SARNP: variants seen among roughly 807,000 people sequenced by gnomAD.
SARNP encodes SAP domain containing ribonucleoprotein.
A neutral mutation model predicts 38.1 loss-of-function variants in SARNP; 5 were observed. The observed-to-expected ratio is 0.13, with a 90% confidence interval of 0.07 to 0.28. The LOEUF is 0.28. Ranked by LOEUF, SARNP falls within the 10% of genes least tolerant of loss-of-function variation. SARNP has a pLI of 1.00. For synonymous variants in SARNP, 84 were observed against 80.6 expected (o/e 1.04, Z -0.23); for missense variants, 180 against 243.9 (o/e 0.74, Z 1.75).
chr12:55,784,343 C>T (rs1028229709), intron 9 of SARNP, among the ~76,000 whole-genome samples: 16 of 152,160 alleles, frequency 1.1e-4, no homozygotes, highest in African/African-American at 3.6e-4. Flanking sequence ...AACCAAGTCA[C>T]TAACCTCTGC....
intron 4 of SARNP, among the ~76,000 whole-genome samples, chr12:55,796,897 T>A (rs1879836434): frequency 6.6e-6 from 1 of 151,798 alleles, no homozygotes; most frequent in African/African-American, 2.4e-5. Context: ...CCAAAGAAGG[T>A]AGGAAGAAAA....
intron 1 of SARNP, among the ~76,000 whole-genome samples, chr12:55,806,004 T>C (rs1423250393): frequency 6.6e-6 from 1 of 150,558 alleles, no homozygotes; most frequent in Non-Finnish European, 1.5e-5. Flanking sequence ...ATCATTGCGC[T>C]CCAGCCTGGA....
intron 9 of SARNP, among the ~76,000 whole-genome samples, chr12:55,774,575 C>A (rs12311181): frequency 0.11 from 4,379 of 40,076 alleles, 329 homozygotes; most frequent in African/African-American, 0.38. Flanking sequence ...AAAAAAAAAA[C>A]AAACAAAAAA....
At position 55,804,417 on chromosome 12, in the gene SARNP, G is replaced by GAA. The variant is rs761267629; in HGVS notation, c.37-691_37-690dup. On this transcript the variant is annotated intron_variant, in intron 1 of 10. Coordinates refer to ENST00000336133, the MANE Select transcript of SARNP (RefSeq NM_033082.4). ...GCTTAAAAAATGCAACACGGAAACA[G>GAA]AAAAAAAAAAAAACACTTCTTCAGG... 4.0e-3 allele frequency among the ~76,000 whole-genome samples: 482 copies of GAA among 119,800 alleles called. 1 individual carries two copies. The highest frequency in any genetic ancestry group is 0.012 in the African/African-American group (433 of 35,308). The allele number at this position is 119,800 out of a possible 152,430, so 78.6% of individuals were successfully genotyped here. A position where few individuals can be genotyped will look rare whatever the true frequency, so the allele number is the denominator to read the frequency against.
chr12:55,790,237 T>C (rs974276898), intron 8 of SARNP, among the ~76,000 whole-genome samples: 1 of 151,198 alleles, frequency 6.6e-6, no homozygotes, highest in Non-Finnish European at 1.5e-5. Context: ...GATTCTCTTG[T>C]GGTAATTATG....
intron 9 of SARNP, among the ~76,000 whole-genome samples, chr12:55,784,865 T>A (rs894930834): frequency 2.0e-5 from 3 of 152,224 alleles, no homozygotes; most frequent in Non-Finnish European, 2.9e-5. Context: ...TCAAGACTTA[T>A]AACCAATGTA....
At chr12:55,808,220 T>C (rs181551738) in intron 1 of SARNP, among the ~76,000 whole-genome samples, 164 of 152,184 alleles carry the variant, frequency 1.1e-3, no homozygotes, top group African/African-American at 3.6e-3. Flanking sequence ...TGGTGGCTCA[T>C]GCCTGTAGTC....
chr12:55,760,531 C>A lies in SARNP; in HGVS notation c.591+20G>T. On this transcript the variant is annotated intron_variant, in intron 10 of 10. Coordinates refer to ENST00000336133, the MANE Select transcript of SARNP (RefSeq NM_033082.4). Reference sequence around the variant, plus strand: ...TAATTTCCCTTCAAGGTCTATGAAGCGTTCCAGGTATATTTTTACCTCTGT... The same window carrying A: ...TAATTTCCCTTCAAGGTCTATGAAGAGTTCCAGGTATATTTTTACCTCTGT... 7.1e-7 allele frequency: 1 copy of A among 1,405,430 alleles called. No individual in the cohort carries two copies. Among genetic ancestry groups the A allele is most frequent in the Non-Finnish European group, 1.0e-6 (1 of 989,516 alleles). The allele number at this position is 1,405,430 out of a possible 1,614,324, so 87.1% of individuals were successfully genotyped here.
intron 4 of SARNP, among the ~76,000 whole-genome samples, chr12:55,799,028 G>A (rs1485357426): frequency 6.6e-6 from 1 of 151,944 alleles, no homozygotes; most frequent in Non-Finnish European, 1.5e-5. Flanking sequence ...ATTTCCAGAT[G>A]TGAAAAAAAA....
intron 10 of SARNP, among the ~76,000 whole-genome samples, chr12:55,758,865 G>A (rs891155411): frequency 1.1e-4 from 17 of 149,216 alleles, no homozygotes; most frequent in Non-Finnish European, 2.1e-4. Context: ...CTAGTCTCAT[G>A]TATTTCTCCT....
At chr12:55,774,575 C>CAAAAAA (rs1187594580) in intron 9 of SARNP, among the ~76,000 whole-genome samples, 3 of 41,216 alleles carry the variant, frequency 7.3e-5, no homozygotes, top group African/African-American at 3.8e-4. Context: ...AAAAAAAAAA[C>CAAAAAA]AAACAAAAAA....
chr12:55,776,555 T>C (rs1041574344), intron 9 of SARNP, among the ~76,000 whole-genome samples: 1 of 152,214 alleles, frequency 6.6e-6, no homozygotes, highest in East Asian at 1.9e-4. Flanking sequence ...ATTTGTATTA[T>C]TTTTTATTGT....
At chr12:55,806,972 T>C (rs528580734) in intron 1 of SARNP, among the ~76,000 whole-genome samples, 7 of 152,210 alleles carry the variant, frequency 4.6e-5, no homozygotes, top group Non-Finnish European at 1.0e-4. Context: ...TTTATTTATT[T>C]TTAGAGACAG....
intron 1 of SARNP, among the ~76,000 whole-genome samples, chr12:55,816,949 C>T (rs1880506602): frequency 6.6e-6 from 1 of 151,946 alleles, no homozygotes; most frequent in African/African-American, 2.4e-5. Flanking sequence ...AATTGTTTTT[C>T]CCAAATATTG....
chr12:55,772,966 C>T (rs1316256628), intron 9 of SARNP, among the ~76,000 whole-genome samples: 1 of 152,102 alleles, frequency 6.6e-6, no homozygotes, highest in Non-Finnish European at 1.5e-5. Flanking sequence ...CTGCCCGCCT[C>T]GGCCTCCCAA....
chr12:55,774,558 T>TAAAAAAAAAAAAAAAAAA lies in SARNP; in HGVS notation c.502-13919_502-13918insTTTTTTTTTTTTTTTTTT, dbSNP rs1565673497. ...CGACACGGTGAAACCCCGTCTCTAC[T>TAAAAAAAAAAAAAAAAAA]GAAAAAAAAAAAAAAACAAACAAAA... On this transcript the variant is annotated intron_variant, in intron 9 of 10. Coordinates refer to ENST00000336133, the MANE Select transcript of SARNP (RefSeq NM_033082.4). Among the ~76,000 whole-genome samples, 33 of 40,522 alleles carry TAAAAAAAAAAAAAAAAAA rather than the reference T, an allele frequency of 8.1e-4. 3 individuals are homozygous for TAAAAAAAAAAAAAAAAAA. Among genetic ancestry groups the TAAAAAAAAAAAAAAAAAA allele is most frequent in the African/African-American group, 1.1e-3 (24 of 22,452 alleles). The allele number at this position is 40,522 out of a possible 152,430, so 26.6% of individuals were successfully genotyped here. A position where few individuals can be genotyped will look rare whatever the true frequency, so the allele number is the denominator to read the frequency against.
At chr12:55,754,060 T>C (rs944804076), downstream of SARNP, 3 of 152,244 alleles carry the variant, frequency 2.0e-5, no homozygotes, top group African/African-American at 4.8e-5. Flanking sequence ...ACTGCCATGT[T>C]TTCCCTGTCT....
chr12:55,805,047 AG>A (rs2136203731), intron 1 of SARNP, among the ~76,000 whole-genome samples: 1 of 149,062 alleles, frequency 6.7e-6, no homozygotes, highest in African/African-American at 2.5e-5. Flanking sequence ...GTGGATCACA[AG>A]GTTAGAAGAT....
At chr12:55,756,949 T>C (rs1450649944), downstream of SARNP, 1 of 152,244 alleles carries the variant, frequency 6.6e-6, no homozygotes. Context: ...AGGCTACTAA[T>C]CACTGCCCTT....
Sources: allele counts gnomAD v4.1 joint callset (sites outside exome capture counted in the v4.1 genomes callset), GRCh38; gene constraint gnomAD v4.1.1; transcripts MANE v1.5; gene names NCBI Gene and HGNC (gene_info 2026-07-23, HGNC 2026-07-21).